Variants in MARCHF8 observed in about 807,000 individuals in gnomAD.
The protein encoded by MARCHF8 is membrane associated ring-CH-type finger 8.
In MARCHF8, 40 loss-of-function variants were observed where a neutral mutation model predicts 51.6. The observed-to-expected ratio is 0.77, with a 90% CI of 0.60 to 1.01. The LOEUF is 1.01. Among genes scored for constraint, MARCHF8 ranks in the 50% least tolerant of loss-of-function variants. The probability of loss-of-function intolerance (pLI) is 0.00; values close to 1 mark genes in which losing one functional copy is unlikely to be tolerated. For synonymous variants in MARCHF8, 263 were observed against 280.3 expected, an observed-to-expected ratio of 0.94 and a Z score of 0.62; for missense variants, 685 against 708.6, an observed-to-expected ratio of 0.97 and a Z score of 0.38.
chr10:45,573,633 C>A (rs979339298), intron 1 of MARCHF8, among the ~76,000 whole-genome samples: 1 of 152,214 alleles, frequency 6.6e-6, no homozygotes, highest in Non-Finnish European at 1.5e-5. Flanking sequence ...GCCCAAGGCT[C>A]TCTGACTGAC....
intron 1 of MARCHF8, among the ~76,000 whole-genome samples, chr10:45,579,621 AGGATGTCCTAAAAT>A (rs1165448052): frequency 6.6e-6 from 1 of 152,212 alleles, no homozygotes; most frequent in Non-Finnish European, 1.5e-5. Flanking sequence ...AACATTGGCA[AGGATGTCCTAAAAT>A]GGCCACTCAA....
chr10:45,592,865 T>C (rs1440647250), intron 1 of MARCHF8, among the ~76,000 whole-genome samples: 1 of 152,212 alleles, frequency 6.6e-6, no homozygotes, highest in Non-Finnish European at 1.5e-5. Context: ...ATCTTTTTTT[T>C]AGTACAAGTA....
At chr10:45,512,933 C>G (rs531336878) in intron 2 of MARCHF8, among the ~76,000 whole-genome samples, 2 of 151,926 alleles carry the variant, frequency 1.3e-5, no homozygotes, top group South Asian at 2.1e-4. Context: ...ACCCCCAACC[C>G]TGTGCTCTCT....
chr10:45,471,425 T>C (rs1341075332), intron 3 of MARCHF8, among the ~76,000 whole-genome samples: 1 of 152,222 alleles, frequency 6.6e-6, no homozygotes, highest in Non-Finnish European at 1.5e-5. Context: ...TGAGCAAAGG[T>C]GGCTTCACAG....
At chr10:45,472,293 TAAG>T (rs1238379485) in intron 3 of MARCHF8, among the ~76,000 whole-genome samples, 2 of 152,222 alleles carry the variant, frequency 1.3e-5, no homozygotes, top group Non-Finnish European at 2.9e-5. Context: ...TCAAGGTTTA[TAAG>T]AAGATGTTAC....
chr10:45,460,016 C>T (rs1842736065), intron 6 of MARCHF8: 1 of 390,538 alleles, frequency 2.6e-6, no homozygotes, highest in Non-Finnish European at 3.5e-6. Context: ...AATAGAGCCT[C>T]AAGGACTTCC....
intron 3 of MARCHF8, 66 bp from the exon 4 acceptor site, chr10:45,464,393 G>A: frequency 7.5e-7 from 1 of 1,325,374 alleles, no homozygotes; most frequent in South Asian, 1.2e-5. Context: ...ACTGTCTCCT[G>A]AATGGTGACA....
chr10:45,576,843 G>A (rs2044495150), intron 1 of MARCHF8, among the ~76,000 whole-genome samples: 1 of 151,468 alleles, frequency 6.6e-6, no homozygotes, highest in South Asian at 2.1e-4. Context: ...AAAAGTCCCA[G>A]CTACGCACGA....
At chr10:45,512,750 CG>C (rs1393650425) in intron 2 of MARCHF8, among the ~76,000 whole-genome samples, 1 of 152,038 alleles carries the variant, frequency 6.6e-6, no homozygotes, top group East Asian at 1.9e-4. Context: ...GAGAACGGGC[CG>C]GGACGACAAT....
intron 1 of MARCHF8, among the ~76,000 whole-genome samples, chr10:45,591,449 CAG>C (rs1472838668): frequency 2.0e-5 from 3 of 150,100 alleles, no homozygotes; most frequent in South Asian, 2.1e-4. Flanking sequence ...GCCTGAGTGA[CAG>C]AGCAAAACTC....
intron 1 of MARCHF8, among the ~76,000 whole-genome samples, chr10:45,588,327 C>G (rs1029010190): frequency 5.9e-5 from 9 of 152,200 alleles, no homozygotes; most frequent in African/African-American, 1.9e-4. Flanking sequence ...AACCTCCTTT[C>G]ATATAGTTCC....
chr10:45,500,335 T>C (rs2043256146), intron 2 of MARCHF8, among the ~76,000 whole-genome samples: 2 of 152,156 alleles, frequency 1.3e-5, no homozygotes, highest in East Asian at 3.8e-4. Context: ...TTGTTTTGCA[T>C]GGAAACTTTA....
At chr10:45,581,850 G>C (rs1376085540) in intron 1 of MARCHF8, among the ~76,000 whole-genome samples, 2 of 151,728 alleles carry the variant, frequency 1.3e-5, no homozygotes, top group Non-Finnish European at 2.9e-5. Context: ...AAGAAGAAAA[G>C]GGCTGCTTTC....
chr10:45,537,140 C>T (rs1157479714), upstream of MARCHF8, among the ~76,000 whole-genome samples: 2 of 151,914 alleles, frequency 1.3e-5, no homozygotes, highest in Admixed American at 1.3e-4. Context: ...AGGGTATATA[C>T]ACCAAAGAGA....
Position 45,463,292 on chromosome 10 carries a change from C to T in MARCHF8, c.947G>A (p.Ser316Asn). The change falls in exon 5 of 8, where the codon AGC (serine) becomes AAC (asparagine). Residue 316 changes from serine (S) to asparagine (N), a missense_variant. Coordinates refer to ENST00000453424, the MANE Select transcript of MARCHF8 (RefSeq NM_001282866.2). ...EMGDDDVFED[S>N]TSAKLKSRVL... ...CCTACTCTTCAGTTTTGCAGATGTG[C>T]TGTCCTCAAAGACATCGTCGTCTCC... 6.4e-7 allele frequency: 1 copy of T among 1,551,020 alleles called. No homozygotes were observed. Among genetic ancestry groups the T allele is most frequent in the East Asian group, 2.4e-5 (1 of 40,922 alleles).
chr10:45,517,405 A>G (rs1483496911), intron 2 of MARCHF8, among the ~76,000 whole-genome samples: 3 of 152,320 alleles, frequency 2.0e-5, no homozygotes, highest in East Asian at 3.9e-4. Flanking sequence ...CGACTGGATC[A>G]TGGGGGCTGA....
At chr10:45,567,322 C>A (rs932638430) in intron 1 of MARCHF8, among the ~76,000 whole-genome samples, 1 of 152,182 alleles carries the variant, frequency 6.6e-6, no homozygotes, top group Non-Finnish European at 1.5e-5. Flanking sequence ...GTTGCCTGTA[C>A]TTGTGGGTTA....
chr10:45,511,434 T>A (rs1469871950), intron 2 of MARCHF8, among the ~76,000 whole-genome samples: 1 of 152,138 alleles, frequency 6.6e-6, no homozygotes, highest in Admixed American at 6.5e-5. Context: ...TCCCTCTCTT[T>A]CCACGGTCTC....
intron 3 of MARCHF8, among the ~76,000 whole-genome samples, chr10:45,476,923 A>G (rs576618307): frequency 1.5e-4 from 23 of 152,350 alleles, no homozygotes; most frequent in African/African-American, 5.0e-4. Context: ...AGAAAACAAA[A>G]AAGATGGAAT....
Sources: allele counts gnomAD v4.1 joint callset (sites outside exome capture counted in the v4.1 genomes callset), GRCh38; gene constraint gnomAD v4.1.1; transcripts MANE v1.5; gene names NCBI Gene and HGNC (gene_info 2026-07-23, HGNC 2026-07-21).